RBFOX1: variants seen among roughly 807,000 people sequenced by gnomAD.
RBFOX1 encodes RNA binding fox-1 homolog 1.
In RBFOX1, 8 loss-of-function variants were observed where a neutral mutation model predicts 57.7. The observed-to-expected ratio is 0.14, with a 90% CI of 0.08 to 0.25. The LOEUF is 0.25. RBFOX1 is among the 10% of genes least tolerant of loss of function. The pLI is 1.00. For synonymous variants in RBFOX1, 326 were observed against 222.4 expected (o/e 1.47, Z -4.15); for missense variants, 611 against 548.5 (o/e 1.11, Z -1.14).
At chr16:6,552,118 A>G (rs1254086069) in intron 2 of RBFOX1, among the ~76,000 whole-genome samples, 1 of 152,206 alleles carries the variant, frequency 6.6e-6, no homozygotes, top group Non-Finnish European at 1.5e-5. Context: ...CTGCTGGGAC[A>G]ATAATGTTCT....
At chr16:7,023,564 TAAAAAAAAAAAAAAAAA>T (rs34056673) in intron 3 of RBFOX1, among the ~76,000 whole-genome samples, 1 of 43,916 alleles carries the variant, frequency 2.3e-5, no homozygotes, top group Non-Finnish European at 4.1e-5. Context: ...TCGTCTGTAC[TAAAAAAAAAAAAAAAAA>T]AAAAAAAAAA....
intron 3 of RBFOX1, among the ~76,000 whole-genome samples, chr16:6,842,390 T>C (rs2141529157): frequency 6.6e-6 from 1 of 152,260 alleles, no homozygotes; most frequent in East Asian, 1.9e-4. Context: ...GTTCTCCTTA[T>C]TTAATCCAAC....
At chr16:6,990,980 C>A (rs1211063674) in intron 3 of RBFOX1, among the ~76,000 whole-genome samples, 1 of 151,898 alleles carries the variant, frequency 6.6e-6, no homozygotes, top group Non-Finnish European at 1.5e-5. Context: ...AGCTCTGTGT[C>A]CAGATATTCT....
chr16:6,371,071 G>T (rs560363186), intron 2 of RBFOX1, among the ~76,000 whole-genome samples: 2 of 152,226 alleles, frequency 1.3e-5, no homozygotes, highest in Admixed American at 1.3e-4. Context: ...AGAGACACAT[G>T]ATATTAGTTT....
intron 4 of RBFOX1, among the ~76,000 whole-genome samples, chr16:7,474,305 A>G (rs1567365636): frequency 6.6e-6 from 1 of 151,922 alleles, no homozygotes; most frequent in Non-Finnish European, 1.5e-5. Context: ...CAGAAAACAA[A>G]CAAACAAAAA....
intron 3 of RBFOX1, among the ~76,000 whole-genome samples, chr16:6,827,915 A>G (rs569784613): frequency 3.3e-5 from 5 of 152,200 alleles, no homozygotes; most frequent in African/African-American, 9.7e-5. Flanking sequence ...ATTTGCATAC[A>G]TTTGTAAGCA....
At chr16:5,668,239 C>A (rs1178018121) in intron 3 of RBFOX1, among the ~76,000 whole-genome samples, 1 of 152,100 alleles carries the variant, frequency 6.6e-6, no homozygotes, top group East Asian at 1.9e-4. Flanking sequence ...TGAGATCATA[C>A]CACTGCACTC....
At chr16:7,224,136 A>G (rs28611473) in intron 4 of RBFOX1, among the ~76,000 whole-genome samples, 3,626 of 141,318 alleles carry the variant, frequency 0.026, 11 homozygotes, top group Middle Eastern at 0.048. Flanking sequence ...CTAAAAAAAA[A>G]AAAAAAAAAA....
intron 1 of RBFOX1, among the ~76,000 whole-genome samples, chr16:6,267,763 C>G (rs1029195777): frequency 6.6e-6 from 1 of 151,846 alleles, no homozygotes. Context: ...CTTAGATTTA[C>G]CAAGTATGAT....
intron 2 of RBFOX1, among the ~76,000 whole-genome samples, chr16:5,589,320 G>C (rs1177628415): frequency 1.3e-5 from 2 of 152,152 alleles, no homozygotes; most frequent in East Asian, 1.9e-4. Context: ...TTTGCCTGAG[G>C]CTCAGGGGTC....
rs534693372 is a variant in RBFOX1 at position 6,958,244 on chromosome 16, T to C, written c.-15-93813T>C. Among the ~76,000 whole-genome samples the C allele has an allele frequency of 3.2e-4, 49 of 152,342 alleles. No individual in the cohort carries two copies. The South Asian group carries it at 0.01, about 32-fold the overall frequency. Reference sequence around the variant, plus strand: ...GCCGTCTTTGCTGAGCCCTGCACGATGCAGCCGTTAGCAGGCTGGGCAATG... The same window carrying C: ...GCCGTCTTTGCTGAGCCCTGCACGACGCAGCCGTTAGCAGGCTGGGCAATG... On this transcript the variant is annotated intron_variant, in intron 3 of 15. Coordinates refer to ENST00000550418, the MANE Select transcript of RBFOX1 (RefSeq NM_018723.4).
At chr16:5,292,813 TG>T (rs1041748776) in intron 1 of RBFOX1, among the ~76,000 whole-genome samples, 42 of 152,004 alleles carry the variant, frequency 2.8e-4, no homozygotes, top group Admixed American at 2.2e-3. Flanking sequence ...TTAGTAGAGA[TG>T]GGGTTTCACC....
intron 3 of RBFOX1, among the ~76,000 whole-genome samples, chr16:6,798,507 C>T (rs769732364): frequency 6.6e-6 from 1 of 152,018 alleles, no homozygotes; most frequent in Non-Finnish European, 1.5e-5. Flanking sequence ...GAACCAGACC[C>T]CTGATGCTTA....
At chr16:7,694,324 G>T (rs1377641755) in intron 14 of RBFOX1, among the ~76,000 whole-genome samples, 2 of 152,144 alleles carry the variant, frequency 1.3e-5, no homozygotes, top group Non-Finnish European at 2.9e-5. Flanking sequence ...TATCAATGCT[G>T]CAGTAAAAAA....
At chr16:6,542,483 C>CTTTTTTTGTTTTTTTTTT (rs2096835243) in intron 2 of RBFOX1, among the ~76,000 whole-genome samples, 1 of 55,720 alleles carries the variant, frequency 1.8e-5, no homozygotes, top group Non-Finnish European at 3.0e-5. Flanking sequence ...GGACCATAGT[C>CTTTTTTTGTTTTTTTTTT]TTTTTTTTTT....
intron 1 of RBFOX1, among the ~76,000 whole-genome samples, chr16:6,233,463 C>A (rs546313591): frequency 5.3e-5 from 8 of 152,240 alleles, no homozygotes; most frequent in African/African-American, 1.9e-4. Flanking sequence ...TATATTACCC[C>A]ATAGGCAGCC....
chr16:5,584,255 G>A (rs964125690), intron 2 of RBFOX1, among the ~76,000 whole-genome samples: 1 of 152,190 alleles, frequency 6.6e-6, no homozygotes. Flanking sequence ...TTTTGCAAGA[G>A]CTTCTGTAAT....
intron 2 of RBFOX1, among the ~76,000 whole-genome samples, chr16:6,331,974 A>G (rs1463420292): frequency 6.6e-6 from 1 of 151,976 alleles, no homozygotes; most frequent in Non-Finnish European, 1.5e-5. Context: ...TAGTTCTGTC[A>G]CTCCTGTTAC....
At chr16:7,454,383 G>T (rs1291363564) in intron 4 of RBFOX1, among the ~76,000 whole-genome samples, 1 of 152,200 alleles carries the variant, frequency 6.6e-6, no homozygotes, top group Non-Finnish European at 1.5e-5. Flanking sequence ...TCTTAAAACT[G>T]TACCATATCA....
Sources: gnomAD v4.1 joint callset for allele counts (sites outside exome capture counted in the v4.1 genomes callset) on GRCh38, gnomAD v4.1.1 for gene constraint, MANE v1.5 for transcripts, NCBI Gene and HGNC (gene_info 2026-07-23, HGNC 2026-07-21) for gene names.